MAP3K20: variants seen among roughly 807,000 people sequenced by gnomAD.
The protein encoded by MAP3K20 is mitogen-activated protein kinase kinase kinase 20, also known as HCCS-4.
In MAP3K20, 40 loss-of-function variants were observed where a neutral mutation model predicts 85.7. The observed-to-expected ratio is 0.47, with a 90% CI of 0.36 to 0.61. MAP3K20 has a LOEUF of 0.61. Among genes scored for constraint, MAP3K20 ranks in the 20% least tolerant of loss-of-function variants. MAP3K20 has a pLI of 0.00. For missense variants in MAP3K20, 817 were observed against 961.7 expected (o/e 0.85, Z 1.99); for synonymous variants, 325 against 327.7 (o/e 0.99, Z 0.09).
At chr2:173,142,701 T>A (rs1215335825) in intron 2 of MAP3K20, among the ~76,000 whole-genome samples, 1 of 151,306 alleles carries the variant, frequency 6.6e-6, no homozygotes, top group Non-Finnish European at 1.5e-5. Flanking sequence ...AAGAAAAAAA[T>A]TGTTAAAACA....
chr2:173,132,459 C>T (rs1182043788), intron 2 of MAP3K20, among the ~76,000 whole-genome samples: 2 of 152,106 alleles, frequency 1.3e-5, no homozygotes, highest in South Asian at 2.1e-4. Flanking sequence ...TTTTCGGACT[C>T]CAGCTGAAAT....
At chr2:173,124,490 C>G (rs189986032) in intron 2 of MAP3K20, among the ~76,000 whole-genome samples, 2 of 152,014 alleles carry the variant, frequency 1.3e-5, no homozygotes, top group Non-Finnish European at 2.9e-5. Context: ...GGTTGGGGTT[C>G]CATGGGTGGG....
intron 2 of MAP3K20, among the ~76,000 whole-genome samples, chr2:173,162,908 G>T (rs1689706202): frequency 6.6e-6 from 1 of 152,142 alleles, no homozygotes; most frequent in Admixed American, 6.5e-5. Context: ...TTGACAATCA[G>T]AGAGAAAAGC....
At chr2:173,113,471 G>A (rs990262879) in intron 2 of MAP3K20, among the ~76,000 whole-genome samples, 5 of 151,894 alleles carry the variant, frequency 3.3e-5, no homozygotes, top group African/African-American at 1.2e-4. Context: ...CTAGTTCATT[G>A]AGGTGTGACC....
chr2:173,181,434 G>A (rs554319481), intron 3 of MAP3K20, among the ~76,000 whole-genome samples: 15 of 152,084 alleles, frequency 9.9e-5, no homozygotes, highest in Non-Finnish European at 1.9e-4. Context: ...TACGTTGCTG[G>A]CAGGAATATA....
At chr2:173,113,871 G>GGAT (rs1013118432) in intron 2 of MAP3K20, among the ~76,000 whole-genome samples, 3 of 152,052 alleles carry the variant, frequency 2.0e-5, no homozygotes, top group African/African-American at 7.2e-5. Context: ...TGGGGCTGTT[G>GGAT]GATGAAATAT....
intron 16 of MAP3K20, among the ~76,000 whole-genome samples, chr2:173,252,724 C>T (rs868318708): frequency 4.6e-5 from 7 of 152,172 alleles, no homozygotes; most frequent in South Asian, 2.1e-4. Context: ...TGCAAATGCC[C>T]GTCAAGCACT....
intron 2 of MAP3K20, among the ~76,000 whole-genome samples, chr2:173,127,133 G>T (rs3769191): frequency 6.6e-6 from 1 of 152,144 alleles, no homozygotes; most frequent in African/African-American, 2.4e-5. Context: ...TTCCATTGAA[G>T]GAGACCACCC....
intron 14 of MAP3K20, among the ~76,000 whole-genome samples, chr2:173,233,981 A>C (rs891014225): frequency 6.6e-6 from 1 of 152,212 alleles, no homozygotes; most frequent in African/African-American, 2.4e-5. Context: ...CAAAGAATGT[A>C]ATCCCAGCCT....
chr2:173,253,136 T>A (rs1444798474), intron 16 of MAP3K20, among the ~76,000 whole-genome samples: 4 of 152,054 alleles, frequency 2.6e-5, no homozygotes, highest in Non-Finnish European at 5.9e-5. Flanking sequence ...GGGTCCCTCC[T>A]CTAGCCCACT....
chr2:173,265,451 C>A (rs962080840), intron 19 of MAP3K20, among the ~76,000 whole-genome samples: 1 of 152,194 alleles, frequency 6.6e-6, no homozygotes, highest in African/African-American at 2.4e-5. Context: ...ACTTCTTATT[C>A]CCGAGCCTCA....
intron 19 of MAP3K20, 140 bp from the exon 20 acceptor site, chr2:173,265,910 T>A: frequency 1.2e-6 from 1 of 827,176 alleles, no homozygotes; most frequent in South Asian, 1.9e-5. Context: ...AGAAACGTCC[T>A]TATACATAGC....
At chr2:173,173,265 A>G (rs1392919346) in intron 3 of MAP3K20, among the ~76,000 whole-genome samples, 2 of 151,682 alleles carry the variant, frequency 1.3e-5, no homozygotes, top group African/African-American at 4.8e-5. Context: ...GTTGCTGGAT[A>G]CCAGACCATG....
chr2:173,156,748 G>C (rs1284976965), intron 2 of MAP3K20, among the ~76,000 whole-genome samples: 1 of 152,210 alleles, frequency 6.6e-6, no homozygotes, highest in Non-Finnish European at 1.5e-5. Context: ...ACAGACCACT[G>C]TTGGTACCAT....
chr2:173,238,432 T>C lies in MAP3K20; in HGVS notation c.1263T>C (p.Ile421=), dbSNP rs3739103. The part of the protein sequence containing the change: ...YINLFHFPPL[I]KDSGGEPEEN... Reference sequence around the variant, plus strand: ...ATTTGTTTCACTTCCCACCACTAATTAAGGTAAGTAAGGTTTTTCTTACCG... The same window carrying C: ...ATTTGTTTCACTTCCCACCACTAATCAAGGTAAGTAAGGTTTTTCTTACCG... Residue 421 remains isoleucine, a synonymous_variant, in exon 15 of 20, where the codon ATT becomes ATC. Transcript: ENST00000375213. 0.048 allele frequency: 76,769 copies of C among 1,609,932 alleles called. 7,894 individuals are homozygous for C. In the East Asian group the frequency reaches 0.53, roughly 11 times the overall value.
intron 3 of MAP3K20, among the ~76,000 whole-genome samples, chr2:173,175,252 G>A (rs1690119541): frequency 6.6e-6 from 1 of 152,122 alleles, no homozygotes. Context: ...AGGGATTTTA[G>A]AAGTATCTGA....
chr2:173,223,474 G>A, intron 11 of MAP3K20: 1 of 985,386 alleles, frequency 1.0e-6, no homozygotes, highest in South Asian at 4.7e-5. Flanking sequence ...TGAAGACACT[G>A]AAAAATAAGT....
intron 17 of MAP3K20, 53 bp from the exon 18 acceptor site, chr2:173,261,010 T>C: frequency 1.3e-6 from 2 of 1,549,504 alleles, no homozygotes; most frequent in Non-Finnish European, 8.9e-7. Context: ...AAACATACTA[T>C]AGTAGAGCAG....
At chr2:173,205,102 CA>C (rs1191556180) in intron 9 of MAP3K20, among the ~76,000 whole-genome samples, 1,427 of 53,854 alleles carry the variant, frequency 0.026, 6 homozygotes, top group South Asian at 0.065. Context: ...GACTCTGTCT[CA>C]AAAAAAAAAA....
Sources: allele counts gnomAD v4.1 joint callset (sites outside exome capture counted in the v4.1 genomes callset), GRCh38; gene constraint gnomAD v4.1.1; transcripts MANE v1.5; gene names NCBI Gene and HGNC (gene_info 2026-07-23, HGNC 2026-07-21).